ELAPOR1: variants seen among roughly 807,000 people sequenced by gnomAD.
ELAPOR1 encodes the protein endosome/lysosome-associated apoptosis and autophagy regulator 1.
ELAPOR1 carries 77 observed loss-of-function variants against 119.7 expected under a neutral mutation model. The observed-to-expected ratio is 0.64, with a 90% CI of 0.54 to 0.78. The LOEUF (loss-of-function observed/expected upper bound fraction) is 0.78. Ranked by LOEUF, ELAPOR1 falls within the 30% of genes least tolerant of loss-of-function variation. ELAPOR1 has a pLI of 0.00. For missense variants in ELAPOR1, 1,115 were observed against 1,270.4 expected (o/e 0.88, Z 1.86); for synonymous variants, 481 against 487.2 (o/e 0.99, Z 0.17).
rs552560639 is a variant in ELAPOR1 at position 109,119,484 on chromosome 1, T to C, written c.153+5148T>C. Among the ~76,000 whole-genome samples the C allele has an allele frequency of 6.0e-3, 856 of 143,572 alleles. 10 individuals are homozygous for C. Among genetic ancestry groups the C allele is most frequent in the African/African-American group, 0.021 (792 of 37,052 alleles). The allele number at this position is 143,572 out of a possible 152,430, so 94.2% of individuals were successfully genotyped here. ...CAGGTGTGAGCCACCGCACTCAGCC[T>C]GCTTTTTTTTTTTTTTTCACATGTA... On this transcript the variant is annotated intron_variant, in intron 1 of 21. Coordinates refer to ENST00000369939, the MANE Select transcript of ELAPOR1 (RefSeq NM_020775.5).
intron 1 of ELAPOR1, among the ~76,000 whole-genome samples, chr1:109,145,078 G>A (rs1292775496): frequency 6.6e-6 from 1 of 152,024 alleles, no homozygotes; most frequent in African/African-American, 2.4e-5. Flanking sequence ...AAAGGGTGGG[G>A]CCTTTAAGAG....
chr1:109,187,727 C>A lies in ELAPOR1; in HGVS notation c.1042-450C>A, dbSNP rs188174890. The A allele has an allele frequency of 9.9e-5, 86 of 872,192 alleles. No homozygotes were observed. The Admixed American group carries it at 2.2e-3, about 22-fold the overall frequency. The allele number at this position is 872,192 out of a possible 1,614,324, so 54.0% of individuals were successfully genotyped here. A position where few individuals can be genotyped will look rare whatever the true frequency, so the allele number is the denominator to read the frequency against. ...AATAAATAAAAGAGCAAAGAATGTA[C>A]CACTCAAAAAATAAGTGGGGACATC... On this transcript the variant is annotated intron_variant, in intron 8 of 21. Transcript: ENST00000369939.
chr1:109,139,706 T>G (rs1649707714), intron 1 of ELAPOR1, among the ~76,000 whole-genome samples: 1 of 152,220 alleles, frequency 6.6e-6, no homozygotes, highest in Non-Finnish European at 1.5e-5. Flanking sequence ...TTGAAGAATA[T>G]TATTTCTCAT....
chr1:109,166,117 G>A (rs1470000677), intron 3 of ELAPOR1, among the ~76,000 whole-genome samples: 8 of 151,866 alleles, frequency 5.3e-5, no homozygotes, highest in East Asian at 1.9e-4. Flanking sequence ...GGGTTTCACC[G>A]TGTTAGCCAG....
At chr1:109,117,718 G>T (rs982517522) in intron 1 of ELAPOR1, among the ~76,000 whole-genome samples, 3 of 152,140 alleles carry the variant, frequency 2.0e-5, no homozygotes, top group Non-Finnish European at 4.4e-5. Flanking sequence ...CTTAATAAAC[G>T]TTGGTAGGAA....
intron 1 of ELAPOR1, among the ~76,000 whole-genome samples, chr1:109,154,603 A>G (rs1471042422): frequency 1.3e-5 from 2 of 152,212 alleles, no homozygotes; most frequent in Non-Finnish European, 2.9e-5. Flanking sequence ...GGGGCTTTCC[A>G]GACAGTCTGG....
chr1:109,190,140 GCACA>G (rs144431690), intron 11 of ELAPOR1, among the ~76,000 whole-genome samples: 8 of 150,904 alleles, frequency 5.3e-5, no homozygotes, highest in African/African-American at 1.9e-4. Flanking sequence ...AAACAAACAC[GCACA>G]CACACACACA....
chr1:109,187,909 A>G (rs1344874175), intron 8 of ELAPOR1: 1 of 1,169,392 alleles, frequency 8.6e-7, no homozygotes, highest in Non-Finnish European at 1.1e-6. Flanking sequence ...CTGGTCCCAC[A>G]TTCTCTGTCA....
intron 1 of ELAPOR1, among the ~76,000 whole-genome samples, chr1:109,126,563 T>C (rs1415838513): frequency 2.0e-5 from 3 of 152,112 alleles, no homozygotes; most frequent in Admixed American, 6.5e-5. Flanking sequence ...ATTCGCCTCC[T>C]GGGTTCCAGC....
intron 1 of ELAPOR1, among the ~76,000 whole-genome samples, chr1:109,131,650 T>G (rs551197561): frequency 7.9e-4 from 121 of 152,266 alleles, no homozygotes; most frequent in Middle Eastern, 3.4e-3. Flanking sequence ...GAATAGTCTG[T>G]AAATATAATG....
At position 109,200,667 on chromosome 1, in the gene ELAPOR1, C is replaced by T. The variant is rs922731455; in HGVS notation, c.2808-68C>T. The T allele has an allele frequency of 2.0e-6, 3 of 1,491,748 alleles. No homozygotes were observed. The African/African-American group carries it at 4.1e-5, about 21-fold the overall frequency. 92.4% of individuals were successfully genotyped at this position (1,491,748 alleles called of 1,614,324 possible). ...GAATAGGACCTGTTCATAGCCTAACCTCTCTACCTCTTTCCCCCTTATTCC... is the reference window on the plus strand; with the variant it reads ...GAATAGGACCTGTTCATAGCCTAACTTCTCTACCTCTTTCCCCCTTATTCC... On this transcript the variant is annotated intron_variant, in intron 20 of 21. Coordinates refer to ENST00000369939, the MANE Select transcript of ELAPOR1 (RefSeq NM_020775.5).
At chr1:109,171,321 G>A (rs1651909119) in intron 3 of ELAPOR1, among the ~76,000 whole-genome samples, 1 of 152,144 alleles carries the variant, frequency 6.6e-6, no homozygotes, top group African/African-American at 2.4e-5. Context: ...GCCGAGGTGG[G>A]TGGATCACTT....
chr1:109,191,466 A>C lies in ELAPOR1; in HGVS notation c.1540A>C (p.Met514Leu), dbSNP rs528678819. The change falls in exon 12 of 22, where the codon ATG (methionine) becomes CTG (leucine). Residue 514 changes from methionine to leucine, a missense_variant. Physicochemically the swap from Met to Leu is conservative, Grantham distance 15 (BLOSUM62 2). Transcript: ENST00000369939. ...LCSVNCELYF[M>L]VGVNSRTNTP... Reference sequence around the variant, plus strand: ...TTCTGTGAACTGTGAGCTCTACTTCATGGTGGTACGTTTTCCTTTCTTTGC... The same window carrying C: ...TTCTGTGAACTGTGAGCTCTACTTCCTGGTGGTACGTTTTCCTTTCTTTGC... 4.3e-6 allele frequency: 7 copies of C among 1,613,346 alleles called. No homozygotes were observed. In the East Asian group the frequency reaches 1.6e-4, roughly 36 times the overall value.
At chr1:109,158,686 T>C (rs2101033972) in intron 1 of ELAPOR1, among the ~76,000 whole-genome samples, 1 of 152,322 alleles carries the variant, frequency 6.6e-6, no homozygotes, top group South Asian at 2.1e-4. Flanking sequence ...AGTTACGTGC[T>C]GGATGTATAT....
rs566609897 is a variant in ELAPOR1 at position 109,194,349 on chromosome 1, C to A, written c.1948-72C>A. The A allele has an allele frequency of 2.0e-4, 290 of 1,414,948 alleles. 1 individual carries two copies. In the South Asian group the frequency reaches 3.4e-3, roughly 17 times the overall value. The allele number at this position is 1,414,948 out of a possible 1,614,324, so 87.6% of individuals were successfully genotyped here. ...GGGCGGGACCAGACGGGGGAGAAAA[C>A]TGCTACTCTTGGCTGCAGGCCCTCA... On this transcript the variant is annotated intron_variant, in intron 14 of 21. Transcript: ENST00000369939.
rs1310633771 is a variant in ELAPOR1 at position 109,185,114 on chromosome 1, C to G, written c.1022C>G (p.Ala341Gly). 15 of 1,613,678 alleles carry G rather than the reference C, an allele frequency of 9.3e-6. No homozygotes were observed. The highest frequency in any genetic ancestry group is 1.3e-5 in the Non-Finnish European group (15 of 1,179,670). ...AAAGATTATTTCTACACACACACGG[C>G]CTGCGATGCCAACGGAGAGGTGGGT... ...TDKDYFYTHT[A>G]CDANGETQLM... Residue 341 changes from alanine to glycine, a missense_variant, in exon 8 of 22, where the codon GCC becomes GGC. Ala to Gly is a moderately conservative substitution (Grantham distance 60). Transcript: ENST00000369939.
At chr1:109,159,799 G>A (rs1464248053) in intron 1 of ELAPOR1, among the ~76,000 whole-genome samples, 1 of 152,112 alleles carries the variant, frequency 6.6e-6, no homozygotes, top group African/African-American at 2.4e-5. Context: ...GATGGTATTT[G>A]GGAACTGTGA....
At chr1:109,172,214 T>C (rs1651968628) in intron 4 of ELAPOR1, among the ~76,000 whole-genome samples, 1 of 152,102 alleles carries the variant, frequency 6.6e-6, no homozygotes, top group Non-Finnish European at 1.5e-5. Context: ...GGGGGAAGAA[T>C]TGTCTGGCAG....
Position 109,164,551 on chromosome 1 carries a change from G to A in ELAPOR1, c.327G>A (p.Lys109=). 6.2e-7 allele frequency: 1 copy of A among 1,614,180 alleles called. No individual in the cohort carries two copies. Among genetic ancestry groups the A allele is most frequent in the Non-Finnish European group, 8.5e-7 (1 of 1,179,992 alleles). ...EFLDMKDQSC[K]PCAEGRYSLG... is the part of the protein sequence containing the mutation. ...TGGATATGAAGGACCAGTCATGTAA[G>A]CCATGCGCTGAGGGCCGCTACTCCC... The change falls in exon 3 of 22, where the codon AAG becomes AAA. Residue 109 remains lysine, a synonymous_variant. Transcript: ENST00000369939.
Sources: allele counts gnomAD v4.1 joint callset (sites outside exome capture counted in the v4.1 genomes callset), GRCh38; gene constraint gnomAD v4.1.1; transcripts MANE v1.5; gene names NCBI Gene and HGNC (gene_info 2026-07-23, HGNC 2026-07-21).